CDH12: variants seen among roughly 807,000 people sequenced by gnomAD.
CDH12 encodes cadherin 12, also known as cadherin-12.
CDH12 carries 41 observed loss-of-function variants against 74.1 expected under a neutral mutation model. The observed-to-expected ratio is 0.55, with a 90% CI of 0.43 to 0.72. The LOEUF (loss-of-function observed/expected upper bound fraction) is 0.72. Ranked by LOEUF, CDH12 falls within the 30% of genes least tolerant of loss-of-function variation. The probability of loss-of-function intolerance (pLI) is 0.00; values close to 1 mark genes in which losing one functional copy is unlikely to be tolerated. For synonymous variants in CDH12, 399 were observed against 355.0 expected, an observed-to-expected ratio of 1.12 and a Z score of -1.39; for missense variants, 945 against 977.2, an observed-to-expected ratio of 0.97 and a Z score of 0.44.
At chr5:22,681,195 T>C (rs969701838) in intron 1 of CDH12, among the ~76,000 whole-genome samples, 3 of 151,556 alleles carry the variant, frequency 2.0e-5, no homozygotes, top group Non-Finnish European at 2.9e-5. Flanking sequence ...AATAACTAGT[T>C]ATGTAAAATC....
intron 1 of CDH12, among the ~76,000 whole-genome samples, chr5:22,657,366 A>C (rs1016728493): frequency 5.3e-5 from 8 of 152,162 alleles, no homozygotes. Context: ...TCAGGGCTTC[A>C]TTTAGGATAT....
chr5:22,562,083 C>A (rs1359476760), intron 1 of CDH12, among the ~76,000 whole-genome samples: 2 of 152,128 alleles, frequency 1.3e-5, no homozygotes, highest in South Asian at 2.1e-4. Context: ...TTTGGGAGGC[C>A]GAGGCGGGCG....
At chr5:22,750,293 A>G (rs1745499826) in intron 1 of CDH12, among the ~76,000 whole-genome samples, 1 of 152,124 alleles carries the variant, frequency 6.6e-6, no homozygotes, top group African/African-American at 2.4e-5. Context: ...TAGAGCCTTG[A>G]ATATCATGTT....
In CDH12 at chr5:22,832,223, T is replaced by C. The variant is rs182704218; in HGVS notation, c.-523+20835A>G. On this transcript the variant is annotated intron_variant, in intron 1 of 14. Coordinates refer to ENST00000382254, the MANE Select transcript of CDH12 (RefSeq NM_004061.5). ...AGACTTGGCACCTTCATATACAGAA[T>C]GGAAAATGTAGTTGCTTGGAAGATT... Among the ~76,000 whole-genome samples, 46 of 152,270 alleles carry C rather than the reference T, an allele frequency of 3.0e-4. 1 individual carries two copies. The East Asian group carries it at 4.8e-3, about 16-fold the overall frequency.
intron 1 of CDH12, among the ~76,000 whole-genome samples, chr5:22,539,664 G>C (rs1738011550): frequency 6.6e-6 from 1 of 152,140 alleles, no homozygotes; most frequent in Non-Finnish European, 1.5e-5. Flanking sequence ...AATAAATGAG[G>C]TGGTGCTAAA....
intron 5 of CDH12, among the ~76,000 whole-genome samples, chr5:22,071,904 C>T (rs138923191): frequency 8.6e-4 from 131 of 152,134 alleles, no homozygotes; most frequent in African/African-American, 3.0e-3. Context: ...TATGCAATTA[C>T]CCACTAATTT....
At chr5:22,642,957 T>C (rs930723019) in intron 1 of CDH12, among the ~76,000 whole-genome samples, 4 of 152,164 alleles carry the variant, frequency 2.6e-5, no homozygotes, top group African/African-American at 4.8e-5. Context: ...GGGGTTCTCA[T>C]TGGAATTTAT....
chr5:22,824,796 T>C (rs1441892619), intron 1 of CDH12, among the ~76,000 whole-genome samples: 1 of 151,840 alleles, frequency 6.6e-6, no homozygotes, highest in Non-Finnish European at 1.5e-5. Context: ...CAGATTGTAT[T>C]TTAAACAACA....
intron 3 of CDH12, among the ~76,000 whole-genome samples, chr5:22,286,936 A>T (rs373045663): frequency 6.6e-6 from 1 of 152,156 alleles, no homozygotes; most frequent in Non-Finnish European, 1.5e-5. Flanking sequence ...CAAAGTCCCT[A>T]TATGCATCTT....
At chr5:22,276,747 C>T (rs1313915386) in intron 3 of CDH12, among the ~76,000 whole-genome samples, 1 of 152,112 alleles carries the variant, frequency 6.6e-6, no homozygotes, top group Non-Finnish European at 1.5e-5. Context: ...AGCGCAGTGG[C>T]GCGATCTCAG....
At chr5:22,688,390 G>A (rs956248239) in intron 1 of CDH12, among the ~76,000 whole-genome samples, 4 of 152,096 alleles carry the variant, frequency 2.6e-5, no homozygotes, top group Non-Finnish European at 4.4e-5. Flanking sequence ...GCAGAATTAC[G>A]TGACTATTCA....
chr5:22,599,584 A>G (rs1736757419), intron 1 of CDH12, among the ~76,000 whole-genome samples: 1 of 152,174 alleles, frequency 6.6e-6, no homozygotes, highest in Admixed American at 6.6e-5. Context: ...TCTGTAAAAA[A>G]AAAAACTACT....
chr5:22,121,393 T>C (rs1020966863), intron 4 of CDH12, among the ~76,000 whole-genome samples: 1 of 152,190 alleles, frequency 6.6e-6, no homozygotes, highest in African/African-American at 2.4e-5. Flanking sequence ...CAGCACCGAC[T>C]TGGGCTGTTT....
intron 1 of CDH12, among the ~76,000 whole-genome samples, chr5:22,507,999 A>G (rs1461143354): frequency 6.6e-6 from 1 of 152,128 alleles, no homozygotes; most frequent in Non-Finnish European, 1.5e-5. Context: ...TCCTCTGTGT[A>G]TTCAAATCTT....
intron 6 of CDH12, among the ~76,000 whole-genome samples, chr5:21,858,478 TC>T (rs956090467): frequency 6.6e-6 from 1 of 151,982 alleles, no homozygotes; most frequent in African/African-American, 2.4e-5. Context: ...TTTTGAGAAT[TC>T]ATACATATAA....
intron 3 of CDH12, among the ~76,000 whole-genome samples, chr5:22,227,718 T>C (rs1237291498): frequency 1.3e-5 from 2 of 152,136 alleles, no homozygotes; most frequent in Admixed American, 1.3e-4. Context: ...GTGGAAAGTG[T>C]GTGATTCTCT....
chr5:21,786,913 G>C (rs1217400513), intron 10 of CDH12, among the ~76,000 whole-genome samples: 1 of 152,146 alleles, frequency 6.6e-6, no homozygotes, highest in Non-Finnish European at 1.5e-5. Flanking sequence ...CTGCAGAGGG[G>C]TGGAAATAAC....
chr5:22,237,173 C>T (rs1211200690), intron 3 of CDH12, among the ~76,000 whole-genome samples: 1 of 152,082 alleles, frequency 6.6e-6, no homozygotes, highest in Non-Finnish European at 1.5e-5. Flanking sequence ...GTGCACACTA[C>T]AACATTCGAA....
intron 6 of CDH12, among the ~76,000 whole-genome samples, chr5:21,896,414 A>G (rs1753125308): frequency 6.6e-6 from 1 of 152,210 alleles, no homozygotes; most frequent in Non-Finnish European, 1.5e-5. Flanking sequence ...TCCTCTTTTC[A>G]TTATATGTAA....
Sources: gnomAD v4.1 joint callset for allele counts (sites outside exome capture counted in the v4.1 genomes callset) on GRCh38, gnomAD v4.1.1 for gene constraint, MANE v1.5 for transcripts, NCBI Gene and HGNC (gene_info 2026-07-23, HGNC 2026-07-21) for gene names.